The following CADM2 variants were observed in gnomAD, a reference collection of about 807,000 sequenced individuals.
CADM2 encodes immunoglobulin superfamily member 4D.
A neutral mutation model predicts 49.8 loss-of-function variants in CADM2; 12 were observed. That is an observed-to-expected ratio of 0.24 (90% CI 0.15 to 0.39). The LOEUF (loss-of-function observed/expected upper bound fraction) is 0.39. CADM2 is among the 10% of genes least tolerant of loss of function. The probability of loss-of-function intolerance (pLI) is 1.00; values close to 1 mark genes in which losing one functional copy is unlikely to be tolerated. For synonymous variants in CADM2, 214 were observed against 175.4 expected, an observed-to-expected ratio of 1.22 and a Z score of -1.74; for missense variants, 378 against 492.3, an observed-to-expected ratio of 0.77 and a Z score of 2.20.
At chr3:85,482,426 CTTCTCTTCAA>C (rs1223661168) in intron 1 of CADM2, among the ~76,000 whole-genome samples, 1 of 151,534 alleles carries the variant, frequency 6.6e-6, no homozygotes, top group African/African-American at 2.4e-5. Context: ...TTTAGTTTCT[CTTCTCTTCAA>C]TTGATTTTAA....
chr3:85,738,525 G>A (rs2068241557), intron 2 of CADM2, among the ~76,000 whole-genome samples: 1 of 152,150 alleles, frequency 6.6e-6, no homozygotes, highest in Non-Finnish European at 1.5e-5. Flanking sequence ...TGGCACAACA[G>A]GTGGCATGGC....
intron 1 of CADM2, among the ~76,000 whole-genome samples, chr3:85,289,912 T>C (rs576663939): frequency 2.0e-4 from 30 of 152,276 alleles, no homozygotes; most frequent in Middle Eastern, 3.4e-3. Flanking sequence ...TAAGGTTATA[T>C]ATCTAAGAAG....
chr3:86,056,340 G>A (rs1339502137), intron 8 of CADM2, among the ~76,000 whole-genome samples: 6 of 152,178 alleles, frequency 3.9e-5, no homozygotes, highest in Admixed American at 3.9e-4. Context: ...AAAAAAGATC[G>A]CTGAAAGGAA....
At chr3:85,969,791 A>C (rs558876158) in intron 8 of CADM2, among the ~76,000 whole-genome samples, 82 of 151,340 alleles carry the variant, frequency 5.4e-4, no homozygotes, top group African/African-American at 1.9e-3. Flanking sequence ...GTAGGTGCTC[A>C]ATAAATATTT....
rs371260121 is a variant in CADM2, at chr3:85,103,769, C to T, written c.61+144101C>T. ...GCACATACGAAACAATATTCCAGAA[C>T]GTGAGTACTTCAAGGAGTACTTGAA... On this transcript the variant is annotated intron_variant, in intron 1 of 9. Transcript: ENST00000383699. Among the ~76,000 whole-genome samples, 5 of 152,098 alleles carry T rather than the reference C, an allele frequency of 3.3e-5. No individual in the cohort carries two copies. The East Asian group carries it at 5.8e-4, about 18-fold the overall frequency.
At chr3:84,978,352 T>G (rs1429660055) in intron 1 of CADM2, among the ~76,000 whole-genome samples, 1 of 152,154 alleles carries the variant, frequency 6.6e-6, no homozygotes, top group Non-Finnish European at 1.5e-5. Flanking sequence ...ATAATTATCT[T>G]GTGTTATTTT....
chr3:85,407,934 G>A (rs1164488611), intron 1 of CADM2, among the ~76,000 whole-genome samples: 1 of 144,668 alleles, frequency 6.9e-6, no homozygotes, highest in East Asian at 2.1e-4. Context: ...GCTTGATTGT[G>A]CTTGAGCCTG....
chr3:85,913,787 G>A (rs1360969532), intron 6 of CADM2, among the ~76,000 whole-genome samples: 2 of 152,106 alleles, frequency 1.3e-5, no homozygotes, highest in African/African-American at 4.8e-5. Flanking sequence ...ATAAGTACAT[G>A]GCTGCAAGGA....
At chr3:85,256,208 A>G (rs1363383447) in intron 1 of CADM2, among the ~76,000 whole-genome samples, 1 of 151,862 alleles carries the variant, frequency 6.6e-6, no homozygotes, top group African/African-American at 2.4e-5. Context: ...GTGGACTTCT[A>G]CTTCACAGTT....
chr3:85,985,991 T>C (rs1227231014), intron 8 of CADM2, among the ~76,000 whole-genome samples: 2 of 152,024 alleles, frequency 1.3e-5, no homozygotes, highest in African/African-American at 4.8e-5. Context: ...TGTTTCATTT[T>C]TCTGACTTCA....
At chr3:85,801,689 T>C (rs1261409748) in intron 2 of CADM2, among the ~76,000 whole-genome samples, 1 of 152,176 alleles carries the variant, frequency 6.6e-6, no homozygotes, top group Non-Finnish European at 1.5e-5. Flanking sequence ...TCATCCAAAA[T>C]TATTTCAGTG....
At position 85,651,302 on chromosome 3, in the gene CADM2, G is replaced by A. The variant is rs888494122; in HGVS notation, c.62-75220G>A. ...GTTGATGTTGTAGGTCAAATTAAAGGTCACTTAACAAGAGCAATTACAAGG... is the reference window on the plus strand; with the variant it reads ...GTTGATGTTGTAGGTCAAATTAAAGATCACTTAACAAGAGCAATTACAAGG... On this transcript the variant is annotated intron_variant, in intron 1 of 9. Coordinates refer to ENST00000383699, the MANE Select transcript of CADM2 (RefSeq NM_001167675.2). 2.0e-5 allele frequency among the ~76,000 whole-genome samples: 3 copies of A among 152,166 alleles called. No homozygotes were observed. In the East Asian group the frequency reaches 5.8e-4, roughly 29 times the overall value.
intron 3 of CADM2, among the ~76,000 whole-genome samples, chr3:85,811,163 T>C (rs2072849664): frequency 6.6e-6 from 1 of 152,192 alleles, no homozygotes; most frequent in African/African-American, 2.4e-5. Context: ...ATATTTGATA[T>C]TATATTTTAG....
At chr3:85,875,059 T>A (rs1170147694) in intron 3 of CADM2, among the ~76,000 whole-genome samples, 1 of 152,164 alleles carries the variant, frequency 6.6e-6, no homozygotes, top group Non-Finnish European at 1.5e-5. Flanking sequence ...TTACTATGGT[T>A]TCAGTAAAAA....
intron 3 of CADM2, among the ~76,000 whole-genome samples, chr3:85,869,186 A>G (rs1252570579): frequency 6.6e-6 from 1 of 152,156 alleles, no homozygotes; most frequent in Non-Finnish European, 1.5e-5. Context: ...ACTCGACAGA[A>G]GCTCTACTAA....
At chr3:85,297,191 TAAGTA>T (rs1005183163) in intron 1 of CADM2, among the ~76,000 whole-genome samples, 9 of 134,112 alleles carry the variant, frequency 6.7e-5, no homozygotes, top group African/African-American at 2.8e-4. Flanking sequence ...TCAGATAAGT[TAAGTA>T]ATTTGTCTTA....
At chr3:85,897,351 G>A (rs1212593162) in intron 5 of CADM2, among the ~76,000 whole-genome samples, 2 of 129,294 alleles carry the variant, frequency 1.5e-5, no homozygotes, top group African/African-American at 5.7e-5. Flanking sequence ...CTCACTGCAA[G>A]CTCCGCTTCC....
intron 1 of CADM2, among the ~76,000 whole-genome samples, chr3:85,310,178 T>C (rs2044309505): frequency 6.6e-6 from 1 of 152,208 alleles, no homozygotes; most frequent in South Asian, 2.1e-4. Context: ...ATACATTTAT[T>C]CTTCTTTTCT....
chr3:85,980,236 T>C (rs1727310597), intron 8 of CADM2, among the ~76,000 whole-genome samples: 1 of 151,494 alleles, frequency 6.6e-6, no homozygotes, highest in African/African-American at 2.4e-5. Flanking sequence ...GGACTTTATA[T>C]TATTATATTT....
Sources: gnomAD v4.1 joint callset for allele counts (sites outside exome capture counted in the v4.1 genomes callset) on GRCh38, gnomAD v4.1.1 for gene constraint, MANE v1.5 for transcripts, NCBI Gene and HGNC (gene_info 2026-07-23, HGNC 2026-07-21) for gene names.